The following AP3B1 variants were observed in gnomAD, a reference collection of about 807,000 sequenced individuals.
AP3B1 encodes the protein adaptor related protein complex 3 subunit beta 1.
AP3B1 carries 61 observed loss-of-function variants against 132.5 expected under a neutral mutation model. The ratio of observed to expected loss-of-function variants is 0.46; its 90% CI spans 0.37 to 0.57. The LOEUF is 0.57. AP3B1 is among the 20% of genes least tolerant of loss of function. The probability of loss-of-function intolerance (pLI) is 0.00; values close to 1 mark genes in which losing one functional copy is unlikely to be tolerated. For synonymous variants in AP3B1, 388 were observed against 438.3 expected (o/e 0.89, Z 1.43); for missense variants, 1,120 against 1,289.4 (o/e 0.87, Z 2.01).
rs541867124 is a variant in AP3B1 at position 78,285,820 on chromosome 5, C to T, written c.128+8632G>A. 1.3e-5 allele frequency among the ~76,000 whole-genome samples: 2 copies of T among 152,290 alleles called. 1 individual carries two copies. Among genetic ancestry groups the T allele is most frequent in the South Asian group, 4.1e-4 (2 of 4,828 alleles). On this transcript the variant is annotated intron_variant, in intron 1 of 26. Coordinates refer to ENST00000255194, the MANE Select transcript of AP3B1 (RefSeq NM_003664.5). ...AAACTATCAGCAAATCTCATTGGCT[C>T]TACCTTTCAAATATATCCATAACTC... is the stretch of plus-strand genomic sequence containing the variant.
At chr5:78,103,127 T>C (rs1302204225) in intron 20 of AP3B1, among the ~76,000 whole-genome samples, 3 of 152,200 alleles carry the variant, frequency 2.0e-5, no homozygotes, top group Non-Finnish European at 4.4e-5. Context: ...TTGGTATTCC[T>C]CTTATATTTC....
chr5:78,263,555 A>C (rs1748192206), intron 2 of AP3B1, among the ~76,000 whole-genome samples: 1 of 152,216 alleles, frequency 6.6e-6, no homozygotes, highest in African/African-American at 2.4e-5. Flanking sequence ...GGTAAAAGCA[A>C]GCATCCTTGT....
intron 2 of AP3B1, among the ~76,000 whole-genome samples, chr5:78,242,956 G>T (rs934619612): frequency 1.3e-5 from 2 of 152,122 alleles, no homozygotes; most frequent in Admixed American, 6.5e-5. Context: ...CCTTTAAAAA[G>T]ATATTAGCTT....
chr5:78,035,810 C>T (rs1178715202), intron 23 of AP3B1, among the ~76,000 whole-genome samples: 1 of 152,118 alleles, frequency 6.6e-6, no homozygotes, highest in Non-Finnish European at 1.5e-5. Flanking sequence ...CCCTAAATCT[C>T]TAGCAAACAG....
intron 7 of AP3B1, among the ~76,000 whole-genome samples, chr5:78,203,405 T>G (rs1745375880): frequency 6.6e-6 from 1 of 152,112 alleles, no homozygotes; most frequent in Non-Finnish European, 1.5e-5. Context: ...CCATCAGATC[T>G]TGTGAAACTC....
chr5:78,018,994 C>A (rs1746978264), intron 25 of AP3B1, among the ~76,000 whole-genome samples: 1 of 152,074 alleles, frequency 6.6e-6, no homozygotes, highest in African/African-American at 2.4e-5. Context: ...AGAATGAATT[C>A]AGGAAGACAG....
chr5:78,147,213 A>G (rs1033371043), intron 14 of AP3B1, among the ~76,000 whole-genome samples: 6 of 151,962 alleles, frequency 3.9e-5, no homozygotes, highest in Non-Finnish European at 8.8e-5. Flanking sequence ...GTTTGTGCTT[A>G]TTACTTTCTT....
At chr5:78,072,710 T>C (rs1749591374) in intron 22 of AP3B1, among the ~76,000 whole-genome samples, 1 of 122,456 alleles carries the variant, frequency 8.2e-6, no homozygotes, top group Non-Finnish European at 1.7e-5. Context: ...GTCTGATATA[T>C]TCTTTTTTTT....
chr5:78,245,025 T>C (rs750770343), intron 2 of AP3B1, among the ~76,000 whole-genome samples: 7 of 150,482 alleles, frequency 4.7e-5, no homozygotes, highest in African/African-American at 1.7e-4. Flanking sequence ...TTGTGGAGTG[T>C]TGGGGACCAG....
chr5:78,009,626 T>C (rs952497505), intron 26 of AP3B1, among the ~76,000 whole-genome samples: 4 of 152,182 alleles, frequency 2.6e-5, no homozygotes, highest in African/African-American at 4.8e-5. Flanking sequence ...AGCACCAGAC[T>C]TTCCTAATAG....
At chr5:78,266,158 T>C (rs1748314315) in intron 2 of AP3B1, among the ~76,000 whole-genome samples, 4 of 152,044 alleles carry the variant, frequency 2.6e-5, no homozygotes, top group Admixed American at 2.6e-4. Flanking sequence ...ATTATCCAAG[T>C]ACACAATTAA....
chr5:78,242,050 T>A (rs1356424954), intron 2 of AP3B1, among the ~76,000 whole-genome samples: 1 of 152,232 alleles, frequency 6.6e-6, no homozygotes, highest in Non-Finnish European at 1.5e-5. Context: ...CTATCCATAA[T>A]GTATATCACT....
chr5:78,129,211 G>C lies in AP3B1; in HGVS notation c.1747C>G (p.Pro583Ala), dbSNP rs1580385068. ...RTRFIRQLIV[P>A]NVKSGALSKY... ...CTTAAAGCTCCACTCTTTACATTCG[G>C]AACAATAAGCTGCCTAATAAATCTT... The change falls in exon 16 of 27, where the codon CCG becomes GCG. Residue 583 changes from proline to alanine, a missense_variant. This residue lies in a region of AP3B1 where 906 missense variants were observed against 997.1 expected (regional missense o/e 0.91). Coordinates refer to ENST00000255194, the MANE Select transcript of AP3B1 (RefSeq NM_003664.5). 1 of 1,613,006 alleles carries C rather than the reference G, an allele frequency of 6.2e-7. No individual in the cohort carries two copies.
At chr5:78,186,673 T>C (rs1744620635) in intron 7 of AP3B1, among the ~76,000 whole-genome samples, 2 of 152,192 alleles carry the variant, frequency 1.3e-5, no homozygotes, top group African/African-American at 4.8e-5. Context: ...AACCATTTAA[T>C]TGAATAAAAC....
chr5:78,039,135 A>G lies in AP3B1; in HGVS notation c.2717T>C (p.Leu906Pro). The part of the protein sequence containing the change: ...GDKMVSIQIT[L>P]NNTTDRKIEN... ...TATCTTTCGATCAGTAGTGTTATTCAGTGTTATTTGTATAGAGACCATCTT... is the reference window on the plus strand; with the variant it reads ...TATCTTTCGATCAGTAGTGTTATTCGGTGTTATTTGTATAGAGACCATCTT... Residue 906 changes from leucine to proline, a missense_variant, in exon 23 of 27, where the codon CTG (leucine) becomes CCG (proline). Physicochemically the swap from Leu to Pro is moderately conservative, Grantham distance 98. Coordinates refer to ENST00000255194, the MANE Select transcript of AP3B1 (RefSeq NM_003664.5). The G allele has an allele frequency of 6.2e-7, 1 of 1,613,602 alleles. No individual in the cohort carries two copies.
chr5:78,202,552 A>AGTGTGTGTGTGTGT (rs36209977), intron 7 of AP3B1, among the ~76,000 whole-genome samples: 533 of 146,140 alleles, frequency 3.6e-3, no homozygotes, highest in South Asian at 7.6e-3. Flanking sequence ...CCATATATTC[A>AGTGTGTGTGTGTGT]GTGTGTGTGT....
chr5:78,176,117 G>A (rs1744137979), intron 9 of AP3B1, among the ~76,000 whole-genome samples: 1 of 152,148 alleles, frequency 6.6e-6, no homozygotes, highest in East Asian at 1.9e-4. Context: ...TACCTGCTTT[G>A]AACACATCCA....
At chr5:78,094,644 C>G (rs575004232) in intron 21 of AP3B1, among the ~76,000 whole-genome samples, 1 of 152,162 alleles carries the variant, frequency 6.6e-6, no homozygotes, top group East Asian at 1.9e-4. Context: ...TATACCCTCC[C>G]CTCATGCCTC....
chr5:78,277,319 G>A (rs114163204), intron 1 of AP3B1, among the ~76,000 whole-genome samples: 2,505 of 152,174 alleles, frequency 0.016, 73 homozygotes, highest in African/African-American at 0.057. Flanking sequence ...TGAAGTCCCT[G>A]AATATTCTAG....
Sources: allele counts gnomAD v4.1 joint callset (sites outside exome capture counted in the v4.1 genomes callset), GRCh38; gene constraint gnomAD v4.1.1; regional missense constraint gnomAD v4.1.1; transcripts MANE v1.5; gene names NCBI Gene and HGNC (gene_info 2026-07-23, HGNC 2026-07-21).